FIP1L1: variants seen among roughly 807,000 people sequenced by gnomAD.
FIP1L1 encodes pre-mRNA 3'-end-processing factor FIP1.
FIP1L1 carries 21 observed loss-of-function variants against 84.6 expected under a neutral mutation model. The observed-to-expected ratio is 0.25, with a 90% CI of 0.18 to 0.36. FIP1L1 has a LOEUF of 0.36. Among genes scored for constraint, FIP1L1 ranks in the 10% least tolerant of loss-of-function variants. The probability of loss-of-function intolerance (pLI) is 1.00; values close to 1 mark genes in which losing one functional copy is unlikely to be tolerated. For missense variants in FIP1L1, 526 were observed against 751.1 expected, an observed-to-expected ratio of 0.70 and a Z score of 3.50; for synonymous variants, 263 against 242.3, an observed-to-expected ratio of 1.09 and a Z score of -0.80.
chr4:53,403,006 T>C (rs62325166), intron 10 of FIP1L1, among the ~76,000 whole-genome samples: 16,779 of 152,148 alleles, frequency 0.11, 1,069 homozygotes, highest in East Asian at 0.16. Context: ...TGCACACTTA[T>C]CTGGTGAGAG....
At chr4:53,431,558 G>A (rs1294775002) in intron 13 of FIP1L1, among the ~76,000 whole-genome samples, 1 of 152,084 alleles carries the variant, frequency 6.6e-6, no homozygotes, top group African/African-American at 2.4e-5. Flanking sequence ...AATATGATGA[G>A]ATAAGTATAG....
chr4:53,400,155 G>A (rs2149491160), intron 10 of FIP1L1, among the ~76,000 whole-genome samples: 1 of 152,256 alleles, frequency 6.6e-6, no homozygotes, highest in South Asian at 2.1e-4. Flanking sequence ...GCTGTTTCCT[G>A]TGCTCCCTAT....
intron 10 of FIP1L1, among the ~76,000 whole-genome samples, chr4:53,400,628 A>G (rs1279397545): frequency 6.6e-6 from 1 of 152,182 alleles, no homozygotes; most frequent in Admixed American, 6.5e-5. Flanking sequence ...ACAGTTTTGT[A>G]TTGTTATAAG....
At chr4:53,413,698 T>G (rs1035066711) in intron 10 of FIP1L1, among the ~76,000 whole-genome samples, 14 of 152,154 alleles carry the variant, frequency 9.2e-5, no homozygotes, top group Admixed American at 3.3e-4. Flanking sequence ...GGTTCAGAAG[T>G]TTCCTACAGA....
At position 53,397,811 on chromosome 4, in the gene FIP1L1, C is replaced by T. The variant is rs537431523; in HGVS notation, c.706-1919C>T. ...TATGGTTCTTTTTTTCCTTGAGCAGCTCAGTAGATGATGGTGCCATTTATT... is the reference window on the plus strand; with the variant it reads ...TATGGTTCTTTTTTTCCTTGAGCAGTTCAGTAGATGATGGTGCCATTTATT... On this transcript the variant is annotated intron_variant, in intron 9 of 17. Coordinates refer to ENST00000337488, the MANE Select transcript of FIP1L1 (RefSeq NM_030917.4). 1.8e-4 allele frequency among the ~76,000 whole-genome samples: 28 copies of T among 152,230 alleles called. No individual in the cohort carries two copies. The East Asian group carries it at 4.8e-3, about 26-fold the overall frequency.
At chr4:53,428,990 C>T (rs1278840503) in intron 13 of FIP1L1, among the ~76,000 whole-genome samples, 3 of 152,202 alleles carry the variant, frequency 2.0e-5, no homozygotes, top group Non-Finnish European at 4.4e-5. Context: ...TCAGTTTATA[C>T]TAGAGAGCCA....
At chr4:53,426,478 T>A (rs190383027) in intron 12 of FIP1L1, among the ~76,000 whole-genome samples, 35 of 152,286 alleles carry the variant, frequency 2.3e-4, no homozygotes, top group Admixed American at 1.3e-3. Flanking sequence ...CCACTTGTGA[T>A]AAAATGTTGA....
chr4:53,384,230 G>A (rs557580712), intron 5 of FIP1L1, among the ~76,000 whole-genome samples: 2 of 152,166 alleles, frequency 1.3e-5, no homozygotes, highest in Non-Finnish European at 2.9e-5. Flanking sequence ...CCAGCATGGT[G>A]AAACCTTATC....
At chr4:53,386,037 A>ATT (rs1163195461) in intron 5 of FIP1L1, among the ~76,000 whole-genome samples, 2,195 of 139,432 alleles carry the variant, frequency 0.016, 63 homozygotes, top group African/African-American at 0.054. Context: ...ACAAAATAGC[A>ATT]TTTTTTTTTT....
intron 10 of FIP1L1, among the ~76,000 whole-genome samples, chr4:53,400,839 T>C (rs570289094): frequency 1.3e-5 from 2 of 152,352 alleles, no homozygotes; most frequent in South Asian, 4.1e-4. Context: ...AAAGAATTTA[T>C]GACAGCTAAG....
chr4:53,402,436 T>G (rs1750766774), intron 10 of FIP1L1, among the ~76,000 whole-genome samples: 1 of 152,168 alleles, frequency 6.6e-6, no homozygotes, highest in East Asian at 1.9e-4. Flanking sequence ...GCACTGTAGC[T>G]CATGCCTGTA....
At chr4:53,433,823 C>T (rs1767838566) in intron 13 of FIP1L1, among the ~76,000 whole-genome samples, 1 of 152,090 alleles carries the variant, frequency 6.6e-6, no homozygotes, top group Non-Finnish European at 1.5e-5. Flanking sequence ...AGATTTCTTC[C>T]TAAAAGACTG....
chr4:53,386,648 A>G (rs1184339943), intron 5 of FIP1L1, among the ~76,000 whole-genome samples: 4 of 152,240 alleles, frequency 2.6e-5, no homozygotes, highest in Admixed American at 2.0e-4. Flanking sequence ...GGTGGAGGAC[A>G]CTGCCTAACA....
chr4:53,390,867 A>T (rs6847795), intron 7 of FIP1L1, 142 bp from the exon 8 acceptor site: 739,147 of 743,998 alleles, frequency 0.99, 367,341 homozygotes, highest in East Asian at 1. Flanking sequence ...ATCAAAAATG[A>T]TATAGTCTTT....
At chr4:53,396,837 A>G (rs531519358) in intron 9 of FIP1L1, among the ~76,000 whole-genome samples, 8 of 152,368 alleles carry the variant, frequency 5.3e-5, no homozygotes, top group Admixed American at 3.3e-4. Context: ...TAGTCTCTCT[A>G]TATAAATAAC....
rs146788332 is a variant in FIP1L1 at position 53,391,079 on chromosome 4, A to G, written c.576A>G (p.Gln192=). ...EDTWKAYCEK[Q]KRIRMGLEVI... ...CCTGGAAAGCTTACTGTGAAAAACA[A>G]AAGAGGATACGAATGGGACTTGAAG... Residue 192 remains glutamine, a synonymous_variant, in exon 8 of 18, where the codon CAA becomes CAG. Transcript: ENST00000337488. 6 of 1,611,952 alleles carry G rather than the reference A, an allele frequency of 3.7e-6. No homozygotes were observed. The East Asian group carries it at 6.7e-5, about 18-fold the overall frequency.
intron 15 of FIP1L1, among the ~76,000 whole-genome samples, chr4:53,444,702 A>G (rs1773446299): frequency 6.6e-6 from 1 of 151,980 alleles, no homozygotes; most frequent in Non-Finnish European, 1.5e-5. Flanking sequence ...TAAAGTGATC[A>G]TCCCACGCAG....
intron 11 of FIP1L1, among the ~76,000 whole-genome samples, chr4:53,420,900 T>C (rs1762152374): frequency 6.6e-6 from 1 of 152,240 alleles, no homozygotes; most frequent in Non-Finnish European, 1.5e-5. Context: ...TGAGCTACTT[T>C]AAGTTCTTTC....
At chr4:53,393,228 G>A (rs1745235743) in intron 9 of FIP1L1, among the ~76,000 whole-genome samples, 1 of 152,180 alleles carries the variant, frequency 6.6e-6, no homozygotes, top group Admixed American at 6.5e-5. Context: ...ATAGGGAGCT[G>A]TTGCCATACT....
Sources: gnomAD v4.1 joint callset for allele counts (sites outside exome capture counted in the v4.1 genomes callset) on GRCh38, gnomAD v4.1.1 for gene constraint, MANE v1.5 for transcripts, NCBI Gene and HGNC (gene_info 2026-07-23, HGNC 2026-07-21) for gene names.